The following ASAP1 variants were observed in gnomAD, a reference collection of about 807,000 sequenced individuals.
ASAP1 encodes the protein arf-GAP with SH3 domain, ANK repeat and PH domain-containing protein 1.
ASAP1 carries 43 observed loss-of-function variants against 145.2 expected under a neutral mutation model. The observed-to-expected ratio is 0.30, with a 90% CI of 0.23 to 0.38. ASAP1 has a LOEUF of 0.38. Ranked by LOEUF, ASAP1 falls within the 10% of genes least tolerant of loss-of-function variation. The pLI, the probability that ASAP1 is intolerant of heterozygous loss-of-function variation, is 1.00. For synonymous variants in ASAP1, 546 were observed against 515.5 expected, an observed-to-expected ratio of 1.06 and a Z score of -0.80; for missense variants, 1,018 against 1,355.3, an observed-to-expected ratio of 0.75 and a Z score of 3.91.
intron 9 of ASAP1, chr8:130,179,020 G>T (rs1814165112): frequency 5.5e-6 from 2 of 363,738 alleles, no homozygotes; most frequent in Non-Finnish European, 9.9e-6. Context: ...TTAGGAAGAA[G>T]TATTTGTAAG....
intron 3 of ASAP1, among the ~76,000 whole-genome samples, chr8:130,240,921 C>CAAA (rs1301494058): frequency 1.3e-5 from 2 of 152,088 alleles, no homozygotes; most frequent in Non-Finnish European, 2.9e-5. Context: ...GCCATACTGA[C>CAAA]AGAGGCACTA....
chr8:130,121,486 T>C (rs1037668161), intron 18 of ASAP1, among the ~76,000 whole-genome samples: 6 of 152,086 alleles, frequency 3.9e-5, no homozygotes, highest in African/African-American at 7.2e-5. Flanking sequence ...CAATATCATA[T>C]GATCAGTTTA....
chr8:130,347,056 GCT>G (rs1433793726), intron 3 of ASAP1, among the ~76,000 whole-genome samples: 1 of 152,158 alleles, frequency 6.6e-6, no homozygotes, highest in Non-Finnish European at 1.5e-5. Flanking sequence ...CTTTAAGCAG[GCT>G]CTGTTATTTA....
chr8:130,256,889 G>T (rs1819602280), intron 3 of ASAP1, among the ~76,000 whole-genome samples: 1 of 149,956 alleles, frequency 6.7e-6, no homozygotes, highest in African/African-American at 2.5e-5. Context: ...ATACCGCTGG[G>T]AGTAAAATTA....
intron 3 of ASAP1, among the ~76,000 whole-genome samples, chr8:130,254,343 T>A (rs1278861300): frequency 6.6e-6 from 1 of 152,190 alleles, no homozygotes; most frequent in Admixed American, 6.5e-5. Context: ...AACAAGAATG[T>A]GACTAGTATA....
At chr8:130,142,649 C>T (rs1010375284) in intron 13 of ASAP1, among the ~76,000 whole-genome samples, 3 of 152,180 alleles carry the variant, frequency 2.0e-5, no homozygotes, top group African/African-American at 7.2e-5. Flanking sequence ...CAGGCAGCCT[C>T]AACCTTCAGA....
intron 1 of ASAP1, among the ~76,000 whole-genome samples, chr8:130,442,983 G>A (rs72726233): frequency 0.023 from 3,426 of 152,250 alleles, 70 homozygotes; most frequent in Non-Finnish European, 0.033. Context: ...TAGGCAAGTG[G>A]CCTGGGGCCT....
At chr8:130,129,560 G>A (rs2097580139) in intron 15 of ASAP1, among the ~76,000 whole-genome samples, 1 of 152,134 alleles carries the variant, frequency 6.6e-6, no homozygotes, top group African/African-American at 2.4e-5. Flanking sequence ...GACAGCTAAT[G>A]TTTATTCTCA....
intron 5 of ASAP1, among the ~76,000 whole-genome samples, chr8:130,202,975 T>C (rs1586584508): frequency 1.3e-5 from 2 of 151,996 alleles, no homozygotes; most frequent in Non-Finnish European, 2.9e-5. Flanking sequence ...CCATACAGTA[T>C]AATCTAAAAT....
Position 130,358,320 on chromosome 8 carries a change from A to G in ASAP1, c.60-177T>C, listed in dbSNP as rs1173068214. ...CGAGAGGGAGGGAAGGAGGCGGGCG[A>G]AGGCAGGCGGCGGCGGCGCTGGCGG... On this transcript the variant is annotated intron_variant, in intron 2 of 29. Coordinates refer to ENST00000518721, the MANE Select transcript of ASAP1 (RefSeq NM_018482.4). This position sits in a 1 kb window ranked among gnomAD's most constrained non-coding sequence, Gnocchi z 4.1. Among the ~76,000 whole-genome samples, 8 of 148,840 alleles carry G rather than the reference A, an allele frequency of 5.4e-5. No homozygotes were observed. In the East Asian group the frequency reaches 1.4e-3, roughly 26 times the overall value.
chr8:130,146,161 T>C (rs1359806616), intron 13 of ASAP1, among the ~76,000 whole-genome samples: 4 of 152,068 alleles, frequency 2.6e-5, no homozygotes, highest in African/African-American at 4.8e-5. Context: ...TAAAGAACTC[T>C]ATTATTTCTT....
chr8:130,440,153 G>T (rs1022653716), intron 1 of ASAP1, among the ~76,000 whole-genome samples: 1 of 152,030 alleles, frequency 6.6e-6, no homozygotes, highest in African/African-American at 2.4e-5. Flanking sequence ...CTGCTGTCCA[G>T]TTCTAAGCCA....
chr8:130,079,813 G>T, intron 26 of ASAP1, 89 bp downstream of exon 26: 1 of 1,360,166 alleles, frequency 7.4e-7, no homozygotes. Context: ...TTTGAGCAGC[G>T]CTGGGAAATT....
intron 3 of ASAP1, among the ~76,000 whole-genome samples, chr8:130,276,728 A>ACACACACACACACTCTCTCTCTCT (rs548512902): frequency 3.4e-5 from 3 of 87,310 alleles, no homozygotes; most frequent in African/African-American, 8.8e-5. Context: ...ACACACACAC[A>ACACACACACACACTCTCTCTCTCT]CTCTCTCTCT....
chr8:130,074,440 A>AACAC (rs57005471), intron 27 of ASAP1, among the ~76,000 whole-genome samples: 4,686 of 119,210 alleles, frequency 0.039, 134 homozygotes, highest in African/African-American at 0.064. Flanking sequence ...CCAAATAGTA[A>AACAC]ACACACACAC....
intron 3 of ASAP1, among the ~76,000 whole-genome samples, chr8:130,279,548 G>A (rs1210007263): frequency 2.6e-5 from 4 of 152,186 alleles, no homozygotes; most frequent in Non-Finnish European, 4.4e-5. Context: ...TGAAACAAGC[G>A]CAGGGTTCAA....
chr8:130,428,618 C>T (rs1830027850), intron 1 of ASAP1, among the ~76,000 whole-genome samples: 2 of 143,560 alleles, frequency 1.4e-5, no homozygotes, highest in African/African-American at 2.6e-5. Context: ...ATCATCATCA[C>T]CACCACCACC....
At chr8:130,277,109 C>T (rs1820959932) in intron 3 of ASAP1, among the ~76,000 whole-genome samples, 1 of 152,096 alleles carries the variant, frequency 6.6e-6, no homozygotes, top group Admixed American at 6.6e-5. Flanking sequence ...GCCCCCCATC[C>T]CAGACTCTCC....
At chr8:130,185,924 T>C (rs1330160837) in intron 7 of ASAP1, among the ~76,000 whole-genome samples, 1 of 152,150 alleles carries the variant, frequency 6.6e-6, no homozygotes, top group Non-Finnish European at 1.5e-5. Context: ...ATAAATAAAG[T>C]TGTACTACCT....
Sources: allele counts gnomAD v4.1 joint callset (sites outside exome capture counted in the v4.1 genomes callset), GRCh38; gene constraint gnomAD v4.1.1; non-coding constraint Gnocchi (gnomAD v3.1); transcripts MANE v1.5; gene names NCBI Gene and HGNC (gene_info 2026-07-23, HGNC 2026-07-21).